OSGIN1: variants seen among roughly 807,000 people sequenced by gnomAD.
The protein encoded by OSGIN1 is oxidative stress-induced growth inhibitor 1.
OSGIN1 carries 19 observed loss-of-function variants against 20.1 expected under a neutral mutation model. That is an observed-to-expected ratio of 0.95 (90% CI 0.66 to 1.39). The LOEUF (loss-of-function observed/expected upper bound fraction) is 1.39, where lower values mean the gene tolerates loss of function less well. Among genes scored for constraint, OSGIN1 ranks in the 40% most tolerant of loss-of-function variants. The pLI, the probability that OSGIN1 is intolerant of heterozygous loss-of-function variation, is 0.00. For synonymous variants in OSGIN1, 368 were observed against 297.8 expected (o/e 1.24, Z -2.43); for missense variants, 820 against 653.0 (o/e 1.26, Z -2.79).
chr16:83,960,461 C>A (rs1385376498), intron 3 of OSGIN1, 108 bp from the exon 4 acceptor site: 1 of 833,534 alleles, frequency 1.2e-6, no homozygotes, highest in Non-Finnish European at 1.9e-6. Context: ...CCCTCCAGTG[C>A]CAGGGAAATG....
At chr16:83,962,121 C>T (rs1049490558) in intron 5 of OSGIN1, among the ~76,000 whole-genome samples, 2 of 152,140 alleles carry the variant, frequency 1.3e-5, no homozygotes, top group Admixed American at 6.5e-5. Context: ...CGCCCTTTCA[C>T]TCCTGGGGTA....
At chr16:83,965,032 G>A (rs1393422428) in intron 5 of OSGIN1, 30 bp from the exon 6 acceptor site, 5 of 1,102,222 alleles carry the variant, frequency 4.5e-6, no homozygotes, top group Non-Finnish European at 2.6e-6. Flanking sequence ...AACAGTGTCT[G>A]ACTCTGGCGT....
intron 1 of OSGIN1, among the ~76,000 whole-genome samples, chr16:83,953,735 C>T (rs1360291405): frequency 6.6e-6 from 1 of 152,100 alleles, no homozygotes; most frequent in Non-Finnish European, 1.5e-5. Context: ...GGCAGCCAGG[C>T]TGGGTGCCTT....
intron 2 of OSGIN1, among the ~76,000 whole-genome samples, chr16:83,958,548 C>G (rs1056012428): frequency 1.3e-5 from 2 of 152,184 alleles, no homozygotes; most frequent in Admixed American, 1.3e-4. Flanking sequence ...AGATGGGTGC[C>G]TGTGATTTCA....
rs887037643 is a variant in OSGIN1, at chr16:83,965,103, A to T, written c.530A>T (p.His177Leu). The change falls in exon 6 of 6, where the codon CAC (histidine) becomes CTC (leucine). Residue 177 changes from histidine to leucine, a missense_variant. By Grantham distance (99) the His-to-Leu change is moderately conservative. Transcript: ENST00000393306. ...CGGGCCACTGCCGGGGACATCGCCC[A>T]CTACTACAGGGACTACGTGGTCAAG... ...NSRATAGDIA[H>L]YYRDYVVKKG... is the part of the protein sequence containing the mutation. The T allele has an allele frequency of 7.0e-6, 11 of 1,573,448 alleles. No homozygotes were observed. Among genetic ancestry groups the T allele is most frequent in the Non-Finnish European group, 9.5e-6 (11 of 1,154,634 alleles).
Position 83,965,733 on chromosome 16 carries a change from T to C in OSGIN1, c.1160T>C (p.Phe387Ser), listed in dbSNP as rs1332253148. 3 of 1,613,484 alleles carry C rather than the reference T, an allele frequency of 1.9e-6. No individual in the cohort carries two copies. Among genetic ancestry groups the C allele is most frequent in the Admixed American group, 1.7e-5 (1 of 60,000 alleles). Residue 387 changes from phenylalanine (F) to serine (S), a missense_variant, in exon 6 of 6, where the codon TTT (phenylalanine) becomes TCT (serine). Coordinates refer to ENST00000393306, the MANE Select transcript of OSGIN1 (RefSeq NM_182981.3). ...FQDLEGVEKV[F>S]GVSLVLVLIG... ...GACCTCGAGGGTGTCGAGAAGGTGT[T>C]TGGGGTCTCCCTGGTGCTGGTCCTC...
intron 1 of OSGIN1, among the ~76,000 whole-genome samples, chr16:83,956,175 GT>G (rs1440999641): frequency 2.6e-5 from 4 of 152,196 alleles, no homozygotes; most frequent in Admixed American, 2.0e-4. Context: ...CGACACATAG[GT>G]CCTCTCAGTG....
intron 1 of OSGIN1, among the ~76,000 whole-genome samples, chr16:83,956,012 C>A (rs1203486742): frequency 6.6e-6 from 1 of 152,242 alleles, no homozygotes; most frequent in Admixed American, 6.5e-5. Flanking sequence ...GGCACATCCT[C>A]ACCCTCGGAG....
At chr16:83,957,231 A>G (rs1001359485) in intron 1 of OSGIN1, 21 of 174,662 alleles carry the variant, frequency 1.2e-4, no homozygotes, top group Non-Finnish European at 2.1e-4. Flanking sequence ...CCACCAGGCC[A>G]CACTGGGACT....
intron 5 of OSGIN1, among the ~76,000 whole-genome samples, chr16:83,963,241 C>T (rs912819180): frequency 1.6e-4 from 25 of 152,222 alleles, no homozygotes; most frequent in African/African-American, 5.1e-4. Flanking sequence ...ACTTACATTT[C>T]GCTTGTAAGC....
chr16:83,961,717 C>T (rs991764756), intron 5 of OSGIN1, among the ~76,000 whole-genome samples: 5 of 152,082 alleles, frequency 3.3e-5, no homozygotes, highest in South Asian at 2.1e-4. Context: ...TGGGCTCACC[C>T]GAGGACCCCC....
rs1470427548 is a variant in OSGIN1, at chr16:83,965,157, G to C, written c.584G>C (p.Gly195Ala). The C allele has an allele frequency of 1.4e-5, 22 of 1,613,460 alleles. No individual in the cohort carries two copies. The highest frequency in any genetic ancestry group is 1.7e-5 in the Non-Finnish European group (20 of 1,180,018). The change falls in exon 6 of 6, where the codon GGT becomes GCT. Residue 195 changes from glycine (G) to alanine (A), a missense_variant. Coordinates refer to ENST00000393306, the MANE Select transcript of OSGIN1 (RefSeq NM_182981.3). ...GGTCTGGGGCATAACTTTGTGTCCGGTGCTGTAGTCACAGCCGTGGAGTGG... is the reference window on the plus strand; with the variant it reads ...GGTCTGGGGCATAACTTTGTGTCCGCTGCTGTAGTCACAGCCGTGGAGTGG... Reference protein sequence around the residue: ...KKGLGHNFVSGAVVTAVEWGT... With the variant: ...KKGLGHNFVSAAVVTAVEWGT...
Position 83,966,221 on chromosome 16 carries a change from C to G in OSGIN1, c.*214C>G. 1 of 560,138 alleles carries G rather than the reference C, an allele frequency of 1.8e-6. No individual in the cohort carries two copies. Among genetic ancestry groups the G allele is most frequent in the Non-Finnish European group, 3.1e-6 (1 of 321,172 alleles). The allele number at this position is 560,138 out of a possible 1,614,324, so 34.7% of individuals were successfully genotyped here. Reference sequence around the variant, plus strand: ...GGCCGCAGGCCAGGGTTGGCCTAGACCTGGGATTTGTGGGGAAAGCTGCTG... The same window carrying G: ...GGCCGCAGGCCAGGGTTGGCCTAGAGCTGGGATTTGTGGGGAAAGCTGCTG... On this transcript the variant is annotated 3_prime_UTR_variant, in exon 6 of 6. Transcript: ENST00000393306.
chr16:83,962,296 T>G (rs1200100943), intron 5 of OSGIN1, among the ~76,000 whole-genome samples: 2 of 152,190 alleles, frequency 1.3e-5, no homozygotes, highest in African/African-American at 4.8e-5. Context: ...TGGAGTGCAG[T>G]GGCGCGATCT....
At chr16:83,960,278 C>A (rs1009672598) in intron 3 of OSGIN1, among the ~76,000 whole-genome samples, 1 of 152,200 alleles carries the variant, frequency 6.6e-6, no homozygotes, top group Non-Finnish European at 1.5e-5. Context: ...AGAGGCAGCA[C>A]CTCCCAAGCT....
At chr16:83,961,291 G>C (rs2084208474) in intron 5 of OSGIN1, 2 of 539,322 alleles carry the variant, frequency 3.7e-6, no homozygotes, top group African/African-American at 3.8e-5. Flanking sequence ...ATCAATATTT[G>C]TAAGAAGTAC....
Position 83,965,322 on chromosome 16 carries a change from A to C in OSGIN1, c.749A>C (p.Asp250Ala). ...RNVVLATGTFDSPARLGIPGE... is the reference protein window; with the variant it reads ...RNVVLATGTFASPARLGIPGE... ...GTGGTCCTCGCCACAGGCACGTTCG[A>C]CAGCCCGGCCCGGCTGGGCATCCCC... The change falls in exon 6 of 6, where the codon GAC becomes GCC. Residue 250 changes from aspartate (D) to alanine (A), a missense_variant. Coordinates refer to ENST00000393306, the MANE Select transcript of OSGIN1 (RefSeq NM_182981.3). 6.3e-7 allele frequency: 1 copy of C among 1,580,694 alleles called. No homozygotes were observed. The highest frequency in any genetic ancestry group is 8.6e-7 in the Non-Finnish European group (1 of 1,162,948).
At position 83,953,348 on chromosome 16, in the gene OSGIN1, G is replaced by T. The variant is rs1180325404; in HGVS notation, c.-55G>T. 1 of 1,288,792 alleles carries T rather than the reference G, an allele frequency of 7.8e-7. No homozygotes were observed. Among genetic ancestry groups the T allele is most frequent in the Admixed American group, 2.3e-5 (1 of 43,500 alleles). The allele number at this position is 1,288,792 out of a possible 1,614,324, so 79.8% of individuals were successfully genotyped here. ...TGCACAACTTGGCCGGGCTCACTGG[G>T]CTCCTGCACCACTGCCTGTCAGGTG... is the stretch of plus-strand genomic sequence containing the variant. On this transcript the variant is annotated 5_prime_UTR_variant, in exon 1 of 6. Transcript: ENST00000393306.
chr16:83,958,864 G>A lies in OSGIN1; in HGVS notation c.68-396G>A, dbSNP rs574073390. Among the ~76,000 whole-genome samples, 9 of 152,300 alleles carry A rather than the reference G, an allele frequency of 5.9e-5. No homozygotes were observed. The South Asian group carries it at 6.2e-4, about 11-fold the overall frequency. On this transcript the variant is annotated intron_variant, in intron 2 of 5. Coordinates refer to ENST00000393306, the MANE Select transcript of OSGIN1 (RefSeq NM_182981.3). ...TTAGCAATCTCAGAATCTCAGTCGC[G>A]TCGTCAGATATTCCCTCTGTCTGGG... is the stretch of plus-strand genomic sequence containing the variant.
Sources: gnomAD v4.1 joint callset for allele counts (sites outside exome capture counted in the v4.1 genomes callset) on GRCh38, gnomAD v4.1.1 for gene constraint, MANE v1.5 for transcripts, NCBI Gene and HGNC (gene_info 2026-07-23, HGNC 2026-07-21) for gene names.